Variants in NLRP13 observed in about 807,000 individuals in gnomAD.
NLRP13 encodes NACHT, LRR and PYD domains-containing protein 13.
A neutral mutation model predicts 94.4 loss-of-function variants in NLRP13; 82 were observed. The ratio of observed to expected loss-of-function variants is 0.87; its 90% CI spans 0.73 to 1.04. The LOEUF is 1.04. Ranked by LOEUF, NLRP13 falls within the 50% of genes least tolerant of loss-of-function variation. The probability of loss-of-function intolerance (pLI) is 0.00; values close to 1 mark genes in which losing one functional copy is unlikely to be tolerated. For synonymous variants in NLRP13, 553 were observed against 464.7 expected, an observed-to-expected ratio of 1.19 and a Z score of -2.45; for missense variants, 1,426 against 1,230.8, an observed-to-expected ratio of 1.16 and a Z score of -2.37.
chr19:55,911,636 C>CAA, intron 5 of NLRP13, 70 bp downstream of exon 5: 1 of 1,402,012 alleles, frequency 7.1e-7, no homozygotes, highest in East Asian at 2.3e-5. Context: ...CCTGGTTTTG[C>CAA]ATGAAAGAAT....
intron 1 of NLRP13, among the ~76,000 whole-genome samples, chr19:55,925,609 C>T (rs1384693353): frequency 6.6e-6 from 1 of 152,124 alleles, no homozygotes; most frequent in Admixed American, 6.5e-5. Flanking sequence ...TGGGTTCAAA[C>T]CAAGTCCCTC....
rs11880653 is a variant in NLRP13 at position 55,924,693 on chromosome 19, C to T, written c.389-35G>A. Reference sequence around the variant, plus strand: ...ACATTGACGATGAGATATGAAAATACCCCAGAGTGAAAATGGGCCAGCAAT... The same window carrying T: ...ACATTGACGATGAGATATGAAAATATCCCAGAGTGAAAATGGGCCAGCAAT... On this transcript the variant is annotated intron_variant, in intron 2 of 10. Coordinates refer to ENST00000342929, the MANE Select transcript of NLRP13 (RefSeq NM_176810.2). 11,744 of 1,575,582 alleles carry T rather than the reference C, an allele frequency of 7.5e-3. 516 individuals carry two copies. The African/African-American group carries it at 0.11, about 15-fold the overall frequency.
rs746526560 is a variant in NLRP13 at position 55,902,078 on chromosome 19, A to G, written c.2746T>C (p.Cys916Arg). The G allele has an allele frequency of 1.9e-6, 3 of 1,614,122 alleles. No homozygotes were observed. In the East Asian group the frequency reaches 6.7e-5, roughly 36 times the overall value. Residue 916 changes from cysteine to arginine, a missense_variant, in exon 9 of 11, where the codon TGT (cysteine) becomes CGT (arginine). Coordinates refer to ENST00000342929, the MANE Select transcript of NLRP13 (RefSeq NM_176810.2). The part of the protein sequence containing the change: ...SLRDEGVKFL[C>R]EALGRPDGNL... ...CCATCTGGGCGACCCAAGGCCTCACACAGGAACTTGACTCCCTCGTCTCTC... is the reference window on the plus strand; with the variant it reads ...CCATCTGGGCGACCCAAGGCCTCACGCAGGAACTTGACTCCCTCGTCTCTC...
chr19:55,907,741 ACTGGTGGT>A (rs1232772642), intron 7 of NLRP13, 43 bp downstream of exon 7: 1 of 1,576,690 alleles, frequency 6.3e-7, no homozygotes, highest in Admixed American at 1.7e-5. Context: ...CGTGGAAGCT[ACTGGTGGT>A]CTTGCAACCC....
intron 7 of NLRP13, among the ~76,000 whole-genome samples, chr19:55,905,456 TATATACAC>T (rs1156406616): frequency 1.7e-5 from 2 of 118,694 alleles, no homozygotes; most frequent in African/African-American, 5.3e-5. Context: ...TATATATACA[TATATACAC>T]ACATATATAC....
chr19:55,924,896 C>G, intron 2 of NLRP13, 71 bp downstream of exon 2: 1 of 1,271,814 alleles, frequency 7.9e-7, no homozygotes, highest in Admixed American at 1.7e-5. Flanking sequence ...GAGTAGGCAG[C>G]GGATGTGGAC....
intron 1 of NLRP13, among the ~76,000 whole-genome samples, chr19:55,925,748 G>A (rs1477639616): frequency 1.3e-5 from 2 of 152,044 alleles, no homozygotes; most frequent in Non-Finnish European, 1.5e-5. Flanking sequence ...ACCTTGTAAG[G>A]GATTTGCATC....
At chr19:55,897,914 A>G (rs1243660692) in intron 10 of NLRP13, among the ~76,000 whole-genome samples, 1 of 152,202 alleles carries the variant, frequency 6.6e-6, no homozygotes, top group Non-Finnish European at 1.5e-5. Flanking sequence ...CATTCCCTAC[A>G]TGAGAAATTG....
intron 7 of NLRP13, among the ~76,000 whole-genome samples, chr19:55,907,264 C>G (rs998310945): frequency 1.3e-5 from 2 of 151,764 alleles, no homozygotes; most frequent in African/African-American, 4.9e-5. Flanking sequence ...GGCCTGGAAT[C>G]TGTATTTTAA....
intron 8 of NLRP13, among the ~76,000 whole-genome samples, 189 bp from the exon 9 acceptor site, chr19:55,902,394 C>A (rs1474072350): frequency 6.6e-6 from 1 of 152,146 alleles, no homozygotes; most frequent in African/African-American, 2.4e-5. Flanking sequence ...CTCCCTCGAT[C>A]CAGATTTCTA....
chr19:55,917,636 T>C (rs959598124), intron 4 of NLRP13, among the ~76,000 whole-genome samples: 15 of 152,006 alleles, frequency 9.9e-5, no homozygotes, highest in African/African-American at 2.2e-4. Context: ...ATACTTATAT[T>C]AGTTGAAAGA....
intron 1 of NLRP13, among the ~76,000 whole-genome samples, chr19:55,930,233 A>G (rs1279620794): frequency 6.6e-6 from 1 of 152,212 alleles, no homozygotes; most frequent in African/African-American, 2.4e-5. Context: ...GCCTGGGCTC[A>G]TGTCCCAGCT....
At chr19:55,895,201 A>AG (rs1304382044), downstream of NLRP13, among the ~76,000 whole-genome samples, 1 of 149,720 alleles carries the variant, frequency 6.7e-6, no homozygotes, top group Admixed American at 6.6e-5. Context: ...AGTATGTTAA[A>AG]AAAAAAAAAA....
At chr19:55,918,830 G>A (rs1366807597) in intron 4 of NLRP13, among the ~76,000 whole-genome samples, 1 of 151,938 alleles carries the variant, frequency 6.6e-6, no homozygotes, top group Non-Finnish European at 1.5e-5. Flanking sequence ...TGAAACTGTT[G>A]CAGAAAAAGA....
At position 55,912,558 on chromosome 19, in the gene NLRP13, TGAAA is replaced by T. The variant is rs147101216; in HGVS notation, c.1255_1258del (p.Phe419IlefsTer16). On this transcript the variant is annotated frameshift_variant, in exon 5 of 11. Transcript: ENST00000342929. LOFTEE classifies it high-confidence loss of function. ...ACACACCATGGGGGCACTGCAGGAA[TGAAA>T]GAGAGTTTCGTTTTTTCTTAGCTGC... 24,209 of 1,614,200 alleles carry T rather than the reference TGAAA, an allele frequency of 0.015. 222 individuals are homozygous for T. Among genetic ancestry groups the T allele is most frequent in the Non-Finnish European group, 0.017 (20,581 of 1,180,008 alleles).
At chr19:55,910,828 A>T (rs1986489297) in intron 5 of NLRP13, 95 bp from the exon 6 acceptor site, 1 of 1,059,578 alleles carries the variant, frequency 9.4e-7, no homozygotes, top group African/African-American at 1.6e-5. Context: ...AACCCTAACA[A>T]AATTATTATA....
rs554497552 is a variant in NLRP13 at position 55,913,034 on chromosome 19, C to A, written c.783G>T (p.Arg261Ser). The A allele has an allele frequency of 2.8e-4, 444 of 1,614,118 alleles. 6 individuals carry two copies. The South Asian group carries it at 4.5e-3, about 16-fold the overall frequency. ...HWANGVLFQQ[R>S]FSYVFYLSCH... is the part of the protein sequence containing the mutation. ...AGCTGAGATAGAAAACATAGGAGAA[C>A]CTTTGCTGAAAGAGAACTCCATTTG... The change falls in exon 5 of 11, where the codon AGG (arginine) becomes AGT (serine). Residue 261 changes from arginine (R) to serine (S), a missense_variant. Coordinates refer to ENST00000342929, the MANE Select transcript of NLRP13 (RefSeq NM_176810.2).
At chr19:55,893,887 C>T (rs183638725), downstream of NLRP13, among the ~76,000 whole-genome samples, 4 of 152,212 alleles carry the variant, frequency 2.6e-5, no homozygotes, top group African/African-American at 9.6e-5. Flanking sequence ...TTTTAAAATG[C>T]ACCACTGAAG....
chr19:55,906,243 C>T (rs956039560), intron 7 of NLRP13, among the ~76,000 whole-genome samples: 22 of 141,570 alleles, frequency 1.6e-4, no homozygotes, highest in African/African-American at 5.0e-4. Flanking sequence ...GAGGCTGAGG[C>T]AGGAGAATTG....
Sources: gnomAD v4.1 joint callset for allele counts (sites outside exome capture counted in the v4.1 genomes callset) on GRCh38, gnomAD v4.1.1 for gene constraint, MANE v1.5 for transcripts, NCBI Gene and HGNC (gene_info 2026-07-23, HGNC 2026-07-21) for gene names.